The following RANBP2 variants were observed in gnomAD, a reference collection of about 807,000 sequenced individuals.
RANBP2 encodes RAN binding protein 2.
RANBP2 carries 57 observed loss-of-function variants against 303.6 expected under a neutral mutation model. That is an observed-to-expected ratio of 0.19 (90% CI 0.15 to 0.23). The LOEUF (loss-of-function observed/expected upper bound fraction) is 0.23, where lower values mean the gene tolerates loss of function less well. Among genes scored for constraint, RANBP2 ranks in the 10% least tolerant of loss-of-function variants. The pLI is 1.00. For missense variants in RANBP2, 3,138 were observed against 3,780.8 expected, an observed-to-expected ratio of 0.83 and a Z score of 4.46; for synonymous variants, 1,167 against 1,301.5, an observed-to-expected ratio of 0.90 and a Z score of 2.23.
the RANBP2 span, among the ~76,000 whole-genome samples, chr2:109,222,905 G>A: frequency 6.6e-6 from 1 of 152,254 alleles, no homozygotes; most frequent in Admixed American, 6.5e-5. Flanking sequence ...CCCACATGGG[G>A]ACTCAGCCAG....
At chr2:108,811,904 A>G in the RANBP2 span, among the ~76,000 whole-genome samples, 1 of 152,152 alleles carries the variant, frequency 6.6e-6, no homozygotes, top group African/African-American at 2.4e-5. Flanking sequence ...TTCACTTAGG[A>G]TTAATGACCT....
At chr2:108,896,618 G>A in the RANBP2 span, 29 of 427,590 alleles carry the variant, frequency 6.8e-5, no homozygotes, top group Non-Finnish European at 1.1e-4. Context: ...TTGTCTCATT[G>A]TTCAGTGAGT....
chr2:109,414,380 A>G, the RANBP2 span, among the ~76,000 whole-genome samples: 896 of 152,054 alleles, frequency 5.9e-3, 8 homozygotes, highest in African/African-American at 0.02. Context: ...CTTGATTTCT[A>G]TAGTCTTGGG....
At chr2:108,876,002 G>A in the RANBP2 span, 1 of 797,358 alleles carries the variant, frequency 1.3e-6, no homozygotes, top group Non-Finnish European at 1.9e-6. Context: ...ATTTCCTCAT[G>A]TTTACACATA....
intron 8 of RANBP2, among the ~76,000 whole-genome samples, 195 bp downstream of exon 8, chr2:108,746,993 T>C (rs576520631): frequency 2.0e-5 from 3 of 152,326 alleles, no homozygotes; most frequent in African/African-American, 7.2e-5. Context: ...ATATTTGATA[T>C]TGTTTGTTCC....
intron 12 of RANBP2, among the ~76,000 whole-genome samples, chr2:108,752,617 C>CA (rs1247816984): frequency 0.25 from 10,194 of 40,584 alleles, 972 homozygotes; most frequent in Middle Eastern, 0.28. Flanking sequence ...ACTAAAAATA[C>CA]AAAAAAAAAA....
chr2:109,264,972 A>G, the RANBP2 span, among the ~76,000 whole-genome samples: 10 of 152,312 alleles, frequency 6.6e-5, no homozygotes, highest in East Asian at 1.5e-3. Flanking sequence ...ACTAGGGAAC[A>G]TGCATCAGAG....
chr2:109,533,690 C>T, the RANBP2 span, among the ~76,000 whole-genome samples: 69 of 152,178 alleles, frequency 4.5e-4, 3 homozygotes, highest in Admixed American at 4.2e-3. Flanking sequence ...AGAGTGACAG[C>T]ACTGTGAACC....
the RANBP2 span, among the ~76,000 whole-genome samples, chr2:109,261,584 G>A: frequency 6.6e-6 from 1 of 152,176 alleles, no homozygotes; most frequent in East Asian, 1.9e-4. Context: ...GGAAGGGTGT[G>A]CCCAGAAAGA....
At chr2:109,123,032 A>C in the RANBP2 span, among the ~76,000 whole-genome samples, 1 of 152,212 alleles carries the variant, frequency 6.6e-6, no homozygotes, top group Non-Finnish European at 1.5e-5. Flanking sequence ...AACAGGCTTG[A>C]ACTCATGCCT....
the RANBP2 span, among the ~76,000 whole-genome samples, chr2:109,610,508 A>ACTG: frequency 6.6e-6 from 1 of 152,194 alleles, no homozygotes; most frequent in Non-Finnish European, 1.5e-5. Context: ...TGAGGTTGGG[A>ACTG]GTTCAAGACC....
At chr2:108,849,934 G>A in the RANBP2 span, among the ~76,000 whole-genome samples, 1 of 152,190 alleles carries the variant, frequency 6.6e-6, no homozygotes, top group Admixed American at 6.5e-5. Flanking sequence ...AGGCAGGTGG[G>A]GTGTGCCTGC....
the RANBP2 span, among the ~76,000 whole-genome samples, chr2:109,506,239 C>A: frequency 1.3e-5 from 2 of 152,208 alleles, no homozygotes; most frequent in African/African-American, 4.8e-5. Flanking sequence ...GTTGGTATCC[C>A]TGCCTCTAAC....
the RANBP2 span, among the ~76,000 whole-genome samples, chr2:109,635,896 A>G: frequency 3.9e-4 from 59 of 152,356 alleles, no homozygotes; most frequent in East Asian, 0.01. Context: ...GTGCTATGGC[A>G]TGAATGTTGG....
At chr2:109,606,997 GTTATT>G in the RANBP2 span, among the ~76,000 whole-genome samples, 6 of 152,124 alleles carry the variant, frequency 3.9e-5, no homozygotes, top group African/African-American at 1.4e-4. Flanking sequence ...GGCTTCTCAT[GTTATT>G]TTAAGTTTCA....
At chr2:109,206,516 GAATT>G in the RANBP2 span, among the ~76,000 whole-genome samples, 1 of 79,294 alleles carries the variant, frequency 1.3e-5, no homozygotes, top group African/African-American at 4.6e-5. Context: ...AAAAAAAAAA[GAATT>G]AGAGGAGGCT....
At chr2:109,694,720 A>G in the RANBP2 span, among the ~76,000 whole-genome samples, 1 of 151,992 alleles carries the variant, frequency 6.6e-6, no homozygotes. Context: ...TTGGCATTCA[A>G]AAAGTTTTGG....
the RANBP2 span, among the ~76,000 whole-genome samples, chr2:108,834,513 C>A: frequency 6.6e-6 from 1 of 152,136 alleles, no homozygotes; most frequent in Non-Finnish European, 1.5e-5. Context: ...CCATGCCTGG[C>A]CTGAAAATGT....
At chr2:109,526,316 T>C in the RANBP2 span, among the ~76,000 whole-genome samples, 9 of 152,130 alleles carry the variant, frequency 5.9e-5, no homozygotes, top group African/African-American at 2.2e-4. Flanking sequence ...TTTTTATTTT[T>C]TATTTTTTTG....
Sources: allele counts gnomAD v4.1 joint callset (sites outside exome capture counted in the v4.1 genomes callset), GRCh38; gene constraint gnomAD v4.1.1; transcripts MANE v1.5; gene names NCBI Gene and HGNC (gene_info 2026-07-23, HGNC 2026-07-21).